ENOX2: variants seen among roughly 807,000 people sequenced by gnomAD.
ENOX2 encodes ecto-NOX disulfide-thiol exchanger 2.
In ENOX2, 36 loss-of-function variants were observed where a neutral mutation model predicts 45.0. That is an observed-to-expected ratio of 0.80 (90% CI 0.61 to 1.06). ENOX2 has a LOEUF of 1.06. ENOX2 is among the 50% of genes least tolerant of loss of function. ENOX2 has a pLI of 0.00. For synonymous variants in ENOX2, 174 were observed against 152.3 expected, an observed-to-expected ratio of 1.14 and a Z score of -1.05; for missense variants, 423 against 462.5, an observed-to-expected ratio of 0.91 and a Z score of 0.78.
At chrX:130,631,171 A>G (rs1453187889) in intron 13 of ENOX2, among the ~76,000 whole-genome samples, 1 of 110,994 alleles carries the variant, frequency 9.0e-6, no homozygotes, top group Non-Finnish European at 1.9e-5. Flanking sequence ...TTGCACAGAT[A>G]TTTAAAAAAA....
Position 130,648,728 on chromosome X carries a change from G to A in ENOX2, c.1129+7853C>T, listed in dbSNP as rs777385871. Among the ~76,000 whole-genome samples the A allele has an allele frequency of 2.7e-5, 3 of 109,780 alleles. No individual in the cohort carries two copies. The South Asian group carries it at 1.2e-3, about 44-fold the overall frequency. On this transcript the variant is annotated intron_variant, in intron 10 of 14. Transcript: ENST00000394363. ...ATAGATTAATGCCCTCCCTGGGAAG[G>A]GGGGTGCATTCTCACTCTATTAGTT...
At chrX:130,898,839 G>C (rs1162122503) in intron 2 of ENOX2, among the ~76,000 whole-genome samples, 3 of 108,334 alleles carry the variant, frequency 2.8e-5, no homozygotes, top group African/African-American at 1.0e-4. Context: ...CCTCAGCATA[G>C]AGCTCTAGAA....
intron 2 of ENOX2, among the ~76,000 whole-genome samples, chrX:130,805,050 T>TA: frequency 9.0e-6 from 1 of 111,692 alleles, no homozygotes; most frequent in East Asian, 2.8e-4. Context: ...TGAGGACACA[T>TA]ACAAGGTACC....
chrX:130,840,611 A>T (rs2077999949), intron 2 of ENOX2, among the ~76,000 whole-genome samples: 1 of 111,213 alleles, frequency 9.0e-6, no homozygotes, highest in Non-Finnish European at 1.9e-5. Flanking sequence ...TCATTCCTGT[A>T]ATCCCAGCAC....
intron 13 of ENOX2, 45 bp from the exon 14 acceptor site, chrX:130,628,088 C>G (rs771706385): frequency 1.1e-6 from 1 of 924,505 alleles, no homozygotes; most frequent in African/African-American, 1.9e-5. Context: ...CCTTGTATTT[C>G]TCGAGGTTCC....
intron 2 of ENOX2, among the ~76,000 whole-genome samples, chrX:130,839,857 T>G (rs922683005): frequency 1.8e-5 from 2 of 111,985 alleles, no homozygotes; most frequent in African/African-American, 6.5e-5. Context: ...GTTTAAAATT[T>G]TTGTTATTAA....
chrX:130,838,582 T>C (rs2077965395), intron 2 of ENOX2, among the ~76,000 whole-genome samples: 1 of 111,783 alleles, frequency 8.9e-6, no homozygotes, highest in South Asian at 3.8e-4. Context: ...ATATCTAACC[T>C]TTCTTTACAT....
chrX:130,628,079 C>A, intron 13 of ENOX2, 36 bp from the exon 14 acceptor site: 1 of 1,018,420 alleles, frequency 9.8e-7, no homozygotes, highest in Non-Finnish European at 1.4e-6. Flanking sequence ...ATACTTGAGC[C>A]TTGTATTTCT....
In ENOX2 at chrX:130,622,497, G is replaced by A. The variant is rs2035453945; in HGVS notation, c.*2817C>T. 9.0e-6 allele frequency among the ~76,000 whole-genome samples: 1 copy of A among 111,572 alleles called. No individual in the cohort carries two copies. The highest frequency in any genetic ancestry group is 3.3e-5 in the African/African-American group (1 of 30,640). On this transcript the variant is annotated 3_prime_UTR_variant, in exon 15 of 15. Coordinates refer to ENST00000394363, the MANE Select transcript of ENOX2 (RefSeq NM_006375.4). ...TAACAAGCAACTTGGTAATAATAAA[G>A]TCAGAATTAGAGATGTCACAGGACT...
chrX:130,765,639 T>G (rs1241192777), intron 3 of ENOX2, among the ~76,000 whole-genome samples: 1 of 111,455 alleles, frequency 9.0e-6, no homozygotes, highest in Non-Finnish European at 1.9e-5. Context: ...GAATTTAGGT[T>G]GTTTCTAGAT....
intron 8 of ENOX2, among the ~76,000 whole-genome samples, chrX:130,667,301 A>C (rs182654253): frequency 5.4e-5 from 6 of 111,878 alleles, no homozygotes; most frequent in Admixed American, 3.8e-4. Flanking sequence ...CAGTGTTTCT[A>C]AGGAGTTGAA....
At chrX:130,635,208 G>A (rs2035902010) in intron 11 of ENOX2, 117 bp from the exon 12 acceptor site, 3 of 401,362 alleles carry the variant, frequency 7.5e-6, no homozygotes, top group Admixed American at 5.1e-5. Context: ...CAGCACACAC[G>A]ACCATTTTTC....
At chrX:130,726,128 A>AAAC (rs2038599128) in intron 3 of ENOX2, among the ~76,000 whole-genome samples, 1 of 112,415 alleles carries the variant, frequency 8.9e-6, no homozygotes, top group Admixed American at 9.4e-5. Context: ...ACACATGAAC[A>AAAC]AACAGTTTCA....
intron 13 of ENOX2, among the ~76,000 whole-genome samples, chrX:130,629,900 T>G (rs2035647226): frequency 8.9e-6 from 1 of 111,993 alleles, no homozygotes; most frequent in Non-Finnish European, 1.9e-5. Flanking sequence ...TAGCCAGCAT[T>G]TGTGAATGGT....
At position 130,631,560 on chromosome X, in the gene ENOX2, C is replaced by G. The variant is rs1445346943; in HGVS notation, c.1436G>C (p.Arg479Thr). Residue 479 changes from arginine (R) to threonine (T), a missense_variant, in exon 13 of 15, where the codon AGG becomes ACG. Coordinates refer to ENST00000394363, the MANE Select transcript of ENOX2 (RefSeq NM_006375.4). Reference protein sequence around the residue: ...NLKEKESCASRLCASNQDSEY... With the variant: ...NLKEKESCASTLCASNQDSEY... ...GCTATCCTGGTTTGAGGCACACAGCCTAGAAGCACAGCTTTCCTGTGGACA... is the reference window on the plus strand; with the variant it reads ...GCTATCCTGGTTTGAGGCACACAGCGTAGAAGCACAGCTTTCCTGTGGACA... The G allele has an allele frequency of 8.4e-7, 1 of 1,184,462 alleles. No individual in the cohort carries two copies. Among genetic ancestry groups the G allele is most frequent in the Non-Finnish European group, 1.1e-6 (1 of 870,746 alleles).
At chrX:130,683,759 A>G (rs80206849) in intron 5 of ENOX2, among the ~76,000 whole-genome samples, 1 of 101,037 alleles carries the variant, frequency 9.9e-6, no homozygotes, top group Non-Finnish European at 2.0e-5. Flanking sequence ...ACACTCTGTG[A>G]AAAAAAAAAA....
intron 3 of ENOX2, among the ~76,000 whole-genome samples, chrX:130,756,811 T>C (rs1238764297): frequency 2.7e-5 from 3 of 112,309 alleles, no homozygotes; most frequent in Non-Finnish European, 3.8e-5. Context: ...AGAATACTAA[T>C]TGGTAAATTG....
intron 2 of ENOX2, among the ~76,000 whole-genome samples, chrX:130,852,949 AT>A (rs2078238084): frequency 9.0e-6 from 1 of 111,350 alleles, no homozygotes; most frequent in East Asian, 2.8e-4. Flanking sequence ...ACATCTCTCT[AT>A]TTCTCCCATT....
intron 9 of ENOX2, among the ~76,000 whole-genome samples, chrX:130,659,982 C>A (rs185434375): frequency 1.8e-3 from 207 of 112,041 alleles, no homozygotes; most frequent in African/African-American, 6.0e-3. Flanking sequence ...CTTCAAAAAT[C>A]CCTGGAAATA....
Sources: allele counts gnomAD v4.1 joint callset (sites outside exome capture counted in the v4.1 genomes callset), GRCh38; gene constraint gnomAD v4.1.1; transcripts MANE v1.5; gene names NCBI Gene and HGNC (gene_info 2026-07-23, HGNC 2026-07-21).